Variants in PCDH7 observed in about 807,000 individuals in gnomAD.
The protein encoded by PCDH7 is protocadherin 7.
PCDH7 carries 17 observed loss-of-function variants against 58.9 expected under a neutral mutation model. The ratio of observed to expected loss-of-function variants is 0.29; its 90% confidence interval spans 0.20 to 0.43. The LOEUF is 0.43. Among genes scored for constraint, PCDH7 ranks in the 20% least tolerant of loss-of-function variants. The pLI, the probability that PCDH7 is intolerant of heterozygous loss-of-function variation, is 1.00. For missense variants in PCDH7, 1,274 were observed against 1,441.0 expected, an observed-to-expected ratio of 0.88 and a Z score of 1.88; for synonymous variants, 664 against 616.4, an observed-to-expected ratio of 1.08 and a Z score of -1.14.
rs545360569 is a variant in PCDH7, at chr4:30,861,554, T to A, written c.71-58599T>A. 5.3e-5 allele frequency among the ~76,000 whole-genome samples: 8 copies of A among 152,296 alleles called. No individual in the cohort carries two copies. In the South Asian group the frequency reaches 1.7e-3, roughly 32 times the overall value. On this transcript the variant is annotated intron_variant, in intron 1 of 3. Coordinates refer to the PCDH7 transcript ENST00000509759. ...TGTGAATTGAGGGATTTAGGATAGATAATTTTTAACTATTCTGAAGTTCTA... is the reference window on the plus strand; with the variant it reads ...TGTGAATTGAGGGATTTAGGATAGAAAATTTTTAACTATTCTGAAGTTCTA...
chr4:30,776,244 T>C lies in PCDH7; in HGVS notation c.70+51648T>C, dbSNP rs369444389. On this transcript the variant is annotated intron_variant, in intron 1 of 3. Transcript: ENST00000509759. ...TTCATTGACTTAAACCAATCCATCA[T>C]AGTCATCTTCTAATTTATTTCCACA... is the stretch of plus-strand genomic sequence containing the variant. 1.1e-4 allele frequency: 16 copies of C among 152,374 alleles called. No individual in the cohort carries two copies. The East Asian group carries it at 3.1e-3, about 29-fold the overall frequency. The allele number at this position is 152,374 out of a possible 1,614,324, so 9.4% of individuals were successfully genotyped here.
At chr4:30,821,853 A>T (rs2109322069) in intron 1 of PCDH7, among the ~76,000 whole-genome samples, 1 of 152,302 alleles carries the variant, frequency 6.6e-6, no homozygotes, top group South Asian at 2.1e-4. Context: ...TTCAGTTGAA[A>T]TGGCTTCTGC....
At chr4:31,082,663 A>G (rs1711653473) in intron 3 of PCDH7, among the ~76,000 whole-genome samples, 1 of 152,164 alleles carries the variant, frequency 6.6e-6, no homozygotes, top group Non-Finnish European at 1.5e-5. Flanking sequence ...TTCTAAGTGA[A>G]GTAACACAAA....
chr4:30,723,931 G>C lies in PCDH7; in HGVS notation c.2509G>C (p.Val837Leu). ...CCAGTCCACCACGACTCTGGTGCAC[G>C]TGTTTGTCAATGAAAGTGTTTCTAA... Residue 837 changes from valine to leucine, a missense_variant, in exon 1 of 2, where the codon GTG (valine) becomes CTG (leucine). This residue lies in a region of PCDH7 where 731 missense variants were observed against 881.9 expected (regional missense o/e 0.83). Transcript: ENST00000361762. This position sits in a 1 kb window ranked among gnomAD's most constrained non-coding sequence, Gnocchi z 4.6. The C allele has an allele frequency of 6.2e-7, 1 of 1,614,084 alleles. No homozygotes were observed. The highest frequency in any genetic ancestry group is 8.5e-7 in the Non-Finnish European group (1 of 1,180,022).
chr4:31,027,672 T>C (rs557148215), intron 3 of PCDH7, among the ~76,000 whole-genome samples: 236 of 152,242 alleles, frequency 1.6e-3, no homozygotes, highest in African/African-American at 5.4e-3. Flanking sequence ...CCGCCCACCT[T>C]GGCCTCCTAA....
At chr4:30,885,429 T>C (rs1560467210) in intron 1 of PCDH7, among the ~76,000 whole-genome samples, 1 of 152,136 alleles carries the variant, frequency 6.6e-6, no homozygotes, top group African/African-American at 2.4e-5. Context: ...AACACTAATA[T>C]TGGCACATGG....
At chr4:30,959,615 A>G (rs1307083372) in intron 3 of PCDH7, among the ~76,000 whole-genome samples, 1 of 152,198 alleles carries the variant, frequency 6.6e-6, no homozygotes, top group Non-Finnish European at 1.5e-5. Context: ...TGTGTAGGCT[A>G]CTTTTTCTTC....
chr4:30,946,456 A>T (rs1746687787), intron 2 of PCDH7, among the ~76,000 whole-genome samples: 1 of 151,456 alleles, frequency 6.6e-6, no homozygotes, highest in Admixed American at 6.6e-5. Context: ...AACTTCGCTG[A>T]CTCTCCAGCT....
chr4:30,861,095 G>T (rs993684095), intron 1 of PCDH7, among the ~76,000 whole-genome samples: 1 of 152,180 alleles, frequency 6.6e-6, no homozygotes, highest in Non-Finnish European at 1.5e-5. Context: ...GAGCATGTGC[G>T]CAAGAGAGAA....
chr4:30,980,587 A>G (rs949591398), intron 3 of PCDH7, among the ~76,000 whole-genome samples: 1 of 152,186 alleles, frequency 6.6e-6, no homozygotes, highest in South Asian at 2.1e-4. Context: ...AGAGAAGAAA[A>G]CACAAGGCTC....
intron 3 of PCDH7, among the ~76,000 whole-genome samples, chr4:30,962,005 A>C (rs895114622): frequency 4.6e-5 from 7 of 152,162 alleles, no homozygotes; most frequent in Non-Finnish European, 1.0e-4. Flanking sequence ...CATTGTTGGT[A>C]ATCTACTTCT....
At chr4:31,145,937 A>G (rs1417432753), downstream of PCDH7, 1 of 151,980 alleles carries the variant, frequency 6.6e-6, no homozygotes, top group Non-Finnish European at 1.5e-5. Flanking sequence ...TGTACACAAG[A>G]CTCTCAAGTG....
At chr4:30,934,863 C>G (rs543901587) in intron 2 of PCDH7, among the ~76,000 whole-genome samples, 1 of 152,172 alleles carries the variant, frequency 6.6e-6, no homozygotes, top group South Asian at 2.1e-4. Context: ...GGTTCTAGTT[C>G]AAGCTCCATC....
intron 3 of PCDH7, among the ~76,000 whole-genome samples, chr4:30,984,617 T>C (rs570852841): frequency 6.6e-6 from 1 of 152,344 alleles, no homozygotes; most frequent in South Asian, 2.1e-4. Flanking sequence ...TAGAATTGTA[T>C]GCAGGAGCAA....
chr4:31,130,312 A>G (rs1349510348), intron 3 of PCDH7, among the ~76,000 whole-genome samples: 4 of 152,224 alleles, frequency 2.6e-5, no homozygotes, highest in East Asian at 1.9e-4. Flanking sequence ...TATACAAATA[A>G]TACGGACAGT....
Position 30,722,823 on chromosome 4 carries a change from C to T in PCDH7, c.1401C>T (p.Pro467=), listed in dbSNP as rs781093692. 3.1e-6 allele frequency: 5 copies of T among 1,613,722 alleles called. No homozygotes were observed. Among genetic ancestry groups the T allele is most frequent in the Admixed American group, 1.7e-5 (1 of 60,030 alleles). The change falls in exon 1 of 2, where the codon CCC becomes CCT. Residue 467 remains proline (P), a synonymous_variant. Transcript: ENST00000361762. The surrounding 1 kb of genome is among the most constrained non-coding windows in gnomAD (Gnocchi z 7.6). ...CCTGCACCGTGGTGGGCGACGTGCC[C>T]TTCCAGCTCAAGCCAGCCAGCGACA... is the stretch of plus-strand genomic sequence containing the variant.
intron 1 of PCDH7, among the ~76,000 whole-genome samples, chr4:30,775,952 A>G (rs1486052191): frequency 6.6e-6 from 1 of 152,166 alleles, no homozygotes; most frequent in East Asian, 1.9e-4. Context: ...AGAGGTCTAC[A>G]AGTGTAACGC....
chr4:30,997,087 T>C (rs1284948861), intron 3 of PCDH7, among the ~76,000 whole-genome samples: 1 of 152,062 alleles, frequency 6.6e-6, no homozygotes, highest in East Asian at 1.9e-4. Flanking sequence ...TTTTCTTTTT[T>C]TTTTTTGTTT....
chr4:31,002,684 A>AT (rs1752447303), intron 3 of PCDH7, among the ~76,000 whole-genome samples: 1 of 152,226 alleles, frequency 6.6e-6, no homozygotes, highest in African/African-American at 2.4e-5. Context: ...TTTTACTGTA[A>AT]TTTTGGCATG....
Sources: gnomAD v4.1 joint callset for allele counts (sites outside exome capture counted in the v4.1 genomes callset) on GRCh38, gnomAD v4.1.1 for gene constraint, gnomAD v4.1.1 regional missense constraint, Gnocchi (gnomAD v3.1) non-coding constraint, MANE v1.5 for transcripts, NCBI Gene and HGNC (gene_info 2026-07-23, HGNC 2026-07-21) for gene names.